HDAC9: variants seen among roughly 807,000 people sequenced by gnomAD.
HDAC9 encodes MEF-2 interacting transcription repressor (MITR) protein.
In HDAC9, 41 loss-of-function variants were observed where a neutral mutation model predicts 139.4. That is an observed-to-expected ratio of 0.29 (90% confidence interval 0.23 to 0.38). HDAC9 has a LOEUF of 0.38. Ranked by LOEUF, HDAC9 falls within the 10% of genes least tolerant of loss-of-function variation. The pLI is 1.00. For missense variants in HDAC9, 1,147 were observed against 1,297.0 expected, an observed-to-expected ratio of 0.88 and a Z score of 1.78; for synonymous variants, 517 against 476.2, an observed-to-expected ratio of 1.09 and a Z score of -1.12.
intron 16 of HDAC9, among the ~76,000 whole-genome samples, chr7:18,772,248 C>A (rs1790357585): frequency 6.6e-6 from 1 of 152,078 alleles, no homozygotes; most frequent in South Asian, 2.1e-4. Context: ...CAGGCATTGA[C>A]TGTTCAGGCA....
chr7:18,970,300 G>A (rs1469182356), intron 24 of HDAC9, among the ~76,000 whole-genome samples: 6 of 152,002 alleles, frequency 3.9e-5, no homozygotes, highest in Non-Finnish European at 7.4e-5. Context: ...ATTTTCTAAG[G>A]TTCAGATAAT....
chr7:18,367,074 C>A (rs940974177), intron 1 of HDAC9, among the ~76,000 whole-genome samples: 1 of 151,956 alleles, frequency 6.6e-6, no homozygotes, highest in Non-Finnish European at 1.5e-5. Context: ...GAATATACAT[C>A]AAAATAATGC....
chr7:18,877,395 G>A lies in HDAC9; in HGVS notation c.2803+2799G>A, dbSNP rs117091173. ...TTCAGGAAGTCATCCTTTATTGTGG[G>A]AGTAGGGTGATCCCAAAACGAAGTT... On this transcript the variant is annotated intron_variant, in intron 22 of 25. Transcript: ENST00000686413. Among the ~76,000 whole-genome samples the A allele has an allele frequency of 9.3e-4, 141 of 152,252 alleles. 2 individuals are homozygous for A. In the East Asian group the frequency reaches 0.021, roughly 23 times the overall value.
At chr7:18,261,121 A>G (rs1160016109) in intron 2 of HDAC9, among the ~76,000 whole-genome samples, 2 of 150,242 alleles carry the variant, frequency 1.3e-5, no homozygotes, top group Non-Finnish European at 3.0e-5. Flanking sequence ...CGGGCAACAT[A>G]ACGAAACCAT....
intron 11 of HDAC9, among the ~76,000 whole-genome samples, chr7:18,652,935 T>C (rs1429529029): frequency 6.6e-6 from 1 of 152,002 alleles, no homozygotes; most frequent in Admixed American, 6.6e-5. Context: ...AAGTGAATTA[T>C]TGAAATAAAC....
intron 2 of HDAC9, among the ~76,000 whole-genome samples, chr7:18,269,457 C>T (rs1562816289): frequency 1.3e-5 from 2 of 152,158 alleles, no homozygotes; most frequent in Admixed American, 6.5e-5. Context: ...GTAGAAGGAA[C>T]TACACTGAAT....
chr7:18,149,121 C>T (rs1195771034), intron 1 of HDAC9, among the ~76,000 whole-genome samples: 1 of 151,942 alleles, frequency 6.6e-6, no homozygotes, highest in Non-Finnish European at 1.5e-5. Context: ...AAGATGTTAC[C>T]CAATTGGATG....
chr7:18,783,455 G>A (rs1791424013), intron 16 of HDAC9, among the ~76,000 whole-genome samples: 1 of 152,040 alleles, frequency 6.6e-6, no homozygotes. Flanking sequence ...AAAAGACATA[G>A]AACATAAAAA....
At chr7:18,364,329 A>G (rs1784012755) in intron 1 of HDAC9, among the ~76,000 whole-genome samples, 1 of 152,128 alleles carries the variant, frequency 6.6e-6, no homozygotes, top group Admixed American at 6.6e-5. Flanking sequence ...GATTAAGATA[A>G]TATAAGGTCT....
At chr7:18,943,225 G>A (rs995378143) in intron 23 of HDAC9, among the ~76,000 whole-genome samples, 39 of 152,094 alleles carry the variant, frequency 2.6e-4, no homozygotes, top group African/African-American at 8.2e-4. Context: ...CTTCAATGTT[G>A]TTAGAACTTT....
intron 6 of HDAC9, among the ~76,000 whole-genome samples, chr7:18,621,138 TAG>T (rs1447823127): frequency 1.8e-4 from 27 of 152,010 alleles, no homozygotes; most frequent in African/African-American, 6.5e-4. Context: ...AAAAACATAA[TAG>T]ATTTTTAAGT....
At chr7:18,672,965 A>G (rs554165796) in intron 12 of HDAC9, among the ~76,000 whole-genome samples, 58 of 152,024 alleles carry the variant, frequency 3.8e-4, no homozygotes, top group Non-Finnish European at 6.0e-4. Context: ...TGATACTGTT[A>G]CTTTTTTCTT....
intron 22 of HDAC9, among the ~76,000 whole-genome samples, chr7:18,913,458 A>C (rs567917868): frequency 6.6e-6 from 1 of 152,252 alleles, no homozygotes; most frequent in Non-Finnish European, 1.5e-5. Flanking sequence ...TTACAGTCCA[A>C]AATTCTAAGG....
At chr7:18,423,443 A>G (rs1464069825) in intron 1 of HDAC9, among the ~76,000 whole-genome samples, 1 of 152,252 alleles carries the variant, frequency 6.6e-6, no homozygotes, top group Non-Finnish European at 1.5e-5. Flanking sequence ...ATATTACAAG[A>G]TGCTTAAAGC....
intron 12 of HDAC9, chr7:18,667,682 T>C (rs1182868107): frequency 2.0e-6 from 2 of 985,158 alleles, no homozygotes; most frequent in Non-Finnish European, 1.2e-6. Context: ...AAGTGATTCA[T>C]GTACTGAGGA....
chr7:18,118,129 A>G (rs183336493), intron 1 of HDAC9, among the ~76,000 whole-genome samples: 12 of 152,296 alleles, frequency 7.9e-5, no homozygotes, highest in Non-Finnish European at 1.5e-4. Flanking sequence ...GTTAACATGC[A>G]TTCTTTCATT....
At chr7:18,919,833 TC>T (rs1431168860) in intron 22 of HDAC9, among the ~76,000 whole-genome samples, 1 of 152,166 alleles carries the variant, frequency 6.6e-6, no homozygotes, top group Non-Finnish European at 1.5e-5. Context: ...TGTCAAAGGC[TC>T]TCTTCTGTTC....
At chr7:18,156,297 C>T (rs1490009677) in intron 1 of HDAC9, among the ~76,000 whole-genome samples, 1 of 152,160 alleles carries the variant, frequency 6.6e-6, no homozygotes, top group Non-Finnish European at 1.5e-5. Flanking sequence ...GGAAGTGACC[C>T]TATCTTGGTC....
chr7:18,578,545 G>A (rs1826758483), intron 2 of HDAC9, among the ~76,000 whole-genome samples: 2 of 152,172 alleles, frequency 1.3e-5, no homozygotes, highest in South Asian at 4.1e-4. Context: ...GTGGTTCCAA[G>A]GCCAAATTCA....
Sources: gnomAD v4.1 joint callset for allele counts (sites outside exome capture counted in the v4.1 genomes callset) on GRCh38, gnomAD v4.1.1 for gene constraint, MANE v1.5 for transcripts, NCBI Gene and HGNC (gene_info 2026-07-23, HGNC 2026-07-21) for gene names.